PGAP1: variants seen among roughly 807,000 people sequenced by gnomAD.
PGAP1 encodes GPI inositol-deacylase.
In PGAP1, 76 loss-of-function variants were observed where a neutral mutation model predicts 127.0. The observed-to-expected ratio is 0.60, with a 90% confidence interval of 0.50 to 0.72. The LOEUF (loss-of-function observed/expected upper bound fraction) is 0.72. Among genes scored for constraint, PGAP1 ranks in the 30% least tolerant of loss-of-function variants. The pLI is 0.00. For synonymous variants in PGAP1, 362 were observed against 366.5 expected, an observed-to-expected ratio of 0.99 and a Z score of 0.14; for missense variants, 982 against 1,071.3, an observed-to-expected ratio of 0.92 and a Z score of 1.16.
chr2:196,872,325 CT>C (rs1246740445), intron 18 of PGAP1, 115 bp downstream of exon 18: 4 of 638,262 alleles, frequency 6.3e-6, no homozygotes, highest in Non-Finnish European at 1.1e-5. Flanking sequence ...TTTTAAATGC[CT>C]ATTTTTTATA....
chr2:196,861,385 G>C (rs1701059263), intron 20 of PGAP1, among the ~76,000 whole-genome samples: 1 of 152,130 alleles, frequency 6.6e-6, no homozygotes, highest in African/African-American at 2.4e-5. Flanking sequence ...GAAGAGATAA[G>C]CCAAAGACTG....
Position 196,892,389 on chromosome 2 carries a change from C to T in PGAP1, c.1046G>A (p.Trp349Ter). The T allele has an allele frequency of 6.9e-7, 1 of 1,453,886 alleles. No homozygotes were observed. Among genetic ancestry groups the T allele is most frequent in the South Asian group, 1.2e-5 (1 of 80,814 alleles). The allele number at this position is 1,453,886 out of a possible 1,614,324, so 90.1% of individuals were successfully genotyped here. The change falls in exon 9 of 27, where the codon TGG becomes TAG. Residue 349 changes from tryptophan (W) to a stop codon, truncating the protein, a stop_gained. Coordinates refer to ENST00000354764, the MANE Select transcript of PGAP1 (RefSeq NM_024989.4). LOFTEE classifies it high-confidence loss of function. Reference sequence around the variant, plus strand: ...CCATTTGGACACTTTTACTAGAACCCACATAGATGTCCCTGAAGGTAAAGG... The same window carrying T: ...CCATTTGGACACTTTTACTAGAACCTACATAGATGTCCCTGAAGGTAAAGG... ...IISDLTGTSM[W>*]VLVKVSKWTY...
intron 19 of PGAP1, 78 bp downstream of exon 19, chr2:196,870,863 G>T (rs1459427327): frequency 1.6e-6 from 2 of 1,276,756 alleles, no homozygotes; most frequent in Non-Finnish European, 2.2e-6. Context: ...GCCCCTTATG[G>T]AAAAAGTCTA....
intron 20 of PGAP1, among the ~76,000 whole-genome samples, chr2:196,851,057 G>A (rs998389280): frequency 6.6e-6 from 1 of 151,794 alleles, no homozygotes; most frequent in Non-Finnish European, 1.5e-5. Flanking sequence ...AATTATAAGG[G>A]GAGAAAAAGA....
intron 25 of PGAP1, 44 bp from the exon 26 acceptor site, chr2:196,842,869 A>T (rs1389424226): frequency 2.2e-6 from 2 of 896,668 alleles, no homozygotes; most frequent in African/African-American, 3.5e-5. Flanking sequence ...CAATGACCTG[A>T]TCATTTTAAA....
chr2:196,848,680 CT>C (rs1407950440), intron 20 of PGAP1, among the ~76,000 whole-genome samples: 1 of 151,934 alleles, frequency 6.6e-6, no homozygotes, highest in Non-Finnish European at 1.5e-5. Flanking sequence ...TATGATTATA[CT>C]ACATTTTATT....
In PGAP1 at chr2:196,917,765, C is replaced by T. The variant is rs1703064150; in HGVS notation, c.302-1172G>A. On this transcript the variant is annotated intron_variant, in intron 2 of 26. Coordinates refer to ENST00000354764, the MANE Select transcript of PGAP1 (RefSeq NM_024989.4). ...AGCTGATGGTCATTTAAATTATTTCCACCTTTTGGTTATTATATGCTGCTA... is the reference window on the plus strand; with the variant it reads ...AGCTGATGGTCATTTAAATTATTTCTACCTTTTGGTTATTATATGCTGCTA... 3.9e-5 allele frequency among the ~76,000 whole-genome samples: 6 copies of T among 152,026 alleles called. No homozygotes were observed. In the South Asian group the frequency reaches 1.2e-3, roughly 32 times the overall value.
chr2:196,893,216 T>G lies in PGAP1; in HGVS notation c.957A>C (p.Ser319=), dbSNP rs1702161679. Residue 319 remains serine, a synonymous_variant, in exon 8 of 27, where the codon TCA becomes TCC. Coordinates refer to ENST00000354764, the MANE Select transcript of PGAP1 (RefSeq NM_024989.4). The part of the protein sequence containing the change: ...QITQNSKKKL[S]VLYHHFIRHP... ...GTCTTATAAAGTGGTGATACAAAACTGACAGTTTCTTCTTGGAATTTTGAG... is the reference window on the plus strand; with the variant it reads ...GTCTTATAAAGTGGTGATACAAAACGGACAGTTTCTTCTTGGAATTTTGAG... 6.3e-7 allele frequency: 1 copy of G among 1,594,900 alleles called. No individual in the cohort carries two copies. The highest frequency in any genetic ancestry group is 8.6e-7 in the Non-Finnish European group (1 of 1,166,408).
At chr2:196,881,245 T>C (rs771848033) in intron 12 of PGAP1, among the ~76,000 whole-genome samples, 5 of 152,164 alleles carry the variant, frequency 3.3e-5, no homozygotes, top group Non-Finnish European at 7.4e-5. Context: ...GTATATGTAA[T>C]ACATTTTCTT....
At chr2:196,914,663 C>CA (rs1702941992) in intron 3 of PGAP1, among the ~76,000 whole-genome samples, 1 of 131,152 alleles carries the variant, frequency 7.6e-6, no homozygotes, top group Non-Finnish European at 1.7e-5. Context: ...CAAAACAAAA[C>CA]AAGTTGTATA....
intron 3 of PGAP1, among the ~76,000 whole-genome samples, chr2:196,915,905 T>C (rs1702989352): frequency 6.6e-6 from 1 of 151,404 alleles, no homozygotes; most frequent in South Asian, 2.1e-4. Flanking sequence ...TTTCTTTAGC[T>C]AAGTGATATC....
In PGAP1 at chr2:196,917,626, T is replaced by C. The variant is rs531085352; in HGVS notation, c.302-1033A>G. 3.3e-5 allele frequency among the ~76,000 whole-genome samples: 5 copies of C among 152,140 alleles called. No individual in the cohort carries two copies. In the South Asian group the frequency reaches 6.2e-4, roughly 19 times the overall value. On this transcript the variant is annotated intron_variant, in intron 2 of 26. Transcript: ENST00000354764. ...CCTTTTGGAACTGGCTTCTTTCACA[T>C]AGCATGTTTTCAAGGTTCACCCATG...
chr2:196,859,575 C>T (rs2125788563), intron 20 of PGAP1, among the ~76,000 whole-genome samples: 1 of 152,082 alleles, frequency 6.6e-6, no homozygotes, highest in South Asian at 2.1e-4. Context: ...AAGAAAAGTA[C>T]AGGCCAATAT....
intron 24 of PGAP1, 104 bp from the exon 25 acceptor site, chr2:196,844,179 T>C: frequency 1.5e-6 from 1 of 655,338 alleles, no homozygotes; most frequent in Admixed American, 3.8e-5. Flanking sequence ...CATCTTTCCA[T>C]TACCAAACTG....
intron 7 of PGAP1, among the ~76,000 whole-genome samples, 165 bp downstream of exon 7, chr2:196,896,966 T>C (rs1250080665): frequency 6.6e-6 from 1 of 152,064 alleles, no homozygotes; most frequent in Non-Finnish European, 1.5e-5. Context: ...CAAAGTATTA[T>C]GAGAAAAAAA....
intron 4 of PGAP1, among the ~76,000 whole-genome samples, chr2:196,904,274 C>T (rs1039219287): frequency 3.9e-5 from 6 of 152,146 alleles, no homozygotes; most frequent in African/African-American, 9.7e-5. Context: ...AATTCGATCC[C>T]GCATTGCAAG....
Position 196,872,576 on chromosome 2 carries a change from C to T in PGAP1, c.1620-27G>A. ...TGAAGAGATAACTTAAATATCAATT[C>T]TCAAATACAAAATGCTGGTAAAGAG... is the stretch of plus-strand genomic sequence containing the variant. On this transcript the variant is annotated intron_variant, in intron 17 of 26. Coordinates refer to ENST00000354764, the MANE Select transcript of PGAP1 (RefSeq NM_024989.4). The T allele has an allele frequency of 3.4e-6, 5 of 1,476,638 alleles. No individual in the cohort carries two copies. In the South Asian group the frequency reaches 5.7e-5, roughly 17 times the overall value. The allele number at this position is 1,476,638 out of a possible 1,614,324, so 91.5% of individuals were successfully genotyped here.
At chr2:196,898,258 T>C (rs1012633794) in intron 6 of PGAP1, 59 bp downstream of exon 6, 6 of 1,158,718 alleles carry the variant, frequency 5.2e-6, no homozygotes, top group Admixed American at 4.4e-5. Context: ...AATTACTGCA[T>C]TGAGGAGAAA....
chr2:196,913,930 G>C (rs2125835233), intron 3 of PGAP1, among the ~76,000 whole-genome samples: 2 of 152,320 alleles, frequency 1.3e-5, no homozygotes, highest in Middle Eastern at 6.8e-3. Context: ...TTTGGTATGT[G>C]CTAGGCAGAG....
Sources: gnomAD v4.1 joint callset for allele counts (sites outside exome capture counted in the v4.1 genomes callset) on GRCh38, gnomAD v4.1.1 for gene constraint, MANE v1.5 for transcripts, NCBI Gene and HGNC (gene_info 2026-07-23, HGNC 2026-07-21) for gene names.